TGIF2: variants seen among roughly 807,000 people sequenced by gnomAD.
TGIF2 encodes TGFB induced factor homeobox 2.
Under a neutral mutation model 15.1 loss-of-function variants are expected in TGIF2, and 5 were observed. The observed-to-expected ratio is 0.33, with a 90% confidence interval of 0.17 to 0.70. The LOEUF (loss-of-function observed/expected upper bound fraction) is 0.70, where lower values mean the gene tolerates loss of function less well. TGIF2 is among the 30% of genes least tolerant of loss of function. TGIF2 has a pLI of 0.67. For synonymous variants in TGIF2, 131 were observed against 128.9 expected (o/e 1.02, Z -0.11); for missense variants, 264 against 302.5 (o/e 0.87, Z 0.94).
At chr20:36,574,233 T>A (rs1451878743) in intron 1 of TGIF2, among the ~76,000 whole-genome samples, 2 of 151,618 alleles carry the variant, frequency 1.3e-5, no homozygotes, top group East Asian at 2.0e-4. Context: ...AGTTCCCCTT[T>A]CCTTTGGAAC....
chr20:36,587,136 G>T (rs1251635492), intron 2 of TGIF2, among the ~76,000 whole-genome samples: 1 of 152,232 alleles, frequency 6.6e-6, no homozygotes, highest in East Asian at 1.9e-4. Context: ...AGGCTGGGCA[G>T]CTGGAAGGGC....
chr20:36,575,545 G>C (rs984513371), intron 1 of TGIF2, among the ~76,000 whole-genome samples: 5 of 152,210 alleles, frequency 3.3e-5, no homozygotes, highest in African/African-American at 1.2e-4. Context: ...GCAGCCTGCA[G>C]TGGTGCTCTC....
intron 1 of TGIF2, among the ~76,000 whole-genome samples, chr20:36,574,068 G>A (rs904761249): frequency 6.6e-6 from 1 of 151,606 alleles, no homozygotes; most frequent in Admixed American, 6.6e-5. Context: ...TGAGCGCGCG[G>A]GGGGACGGAT....
upstream of TGIF2, chr20:36,573,492 G>T (rs999822172): frequency 7.3e-5 from 11 of 151,602 alleles, no homozygotes; most frequent in Non-Finnish European, 1.2e-4. Flanking sequence ...CGCCCCGCGG[G>T]GGGTGGGCGC....
intron 2 of TGIF2, among the ~76,000 whole-genome samples, chr20:36,585,642 A>G (rs2038642636): frequency 6.6e-6 from 1 of 152,136 alleles, no homozygotes; most frequent in Non-Finnish European, 1.5e-5. Flanking sequence ...TTCATTAGCA[A>G]GTCAATGACT....
intron 1 of TGIF2, 67 bp from the exon 2 acceptor site, chr20:36,578,674 T>C: frequency 2.7e-6 from 4 of 1,477,840 alleles, no homozygotes; most frequent in African/African-American, 1.4e-5. Flanking sequence ...ATGCTGAGCA[T>C]GTTTGGAGAC....
In TGIF2 at chr20:36,592,074, ATT is replaced by A. The variant is rs2038777706; in HGVS notation, c.*647_*648del. 6.6e-6 allele frequency: 1 copy of A among 151,390 alleles called. No homozygotes were observed. The allele number at this position is 151,390 out of a possible 1,614,324, so 9.4% of individuals were successfully genotyped here. A position where few individuals can be genotyped will look rare whatever the true frequency, so the allele number is the denominator to read the frequency against. On this transcript the variant is annotated 3_prime_UTR_variant, in exon 3 of 3. Coordinates refer to ENST00000373872, the MANE Select transcript of TGIF2 (RefSeq NM_021809.7). ...GAGGATTGTTTTGGAAGAAAGGAATATTTTTATCTTGGGGACCAGCTAAGTCT... is the reference window on the plus strand; with the variant it reads ...GAGGATTGTTTTGGAAGAAAGGAATATTTATCTTGGGGACCAGCTAAGTCT...
At chr20:36,578,398 G>C (rs1013506239) in intron 1 of TGIF2, among the ~76,000 whole-genome samples, 4 of 150,530 alleles carry the variant, frequency 2.7e-5, no homozygotes, top group Admixed American at 2.7e-4. Context: ...GGGCTACAGA[G>C]TGAGAGCCTC....
rs1253489825 is a variant in TGIF2 at position 36,593,900 on chromosome 20, C to T, written c.*2469C>T. The T allele has an allele frequency of 6.7e-6, 1 of 148,912 alleles. No individual in the cohort carries two copies. Among genetic ancestry groups the T allele is most frequent in the East Asian group, 1.9e-4 (1 of 5,198 alleles). The allele number at this position is 148,912 out of a possible 1,614,324, so 9.2% of individuals were successfully genotyped here. ...TTTGAGCAAAAACTACTGTAAATAA[C>T]TTTTTTGTCTTTTGTCAAATAAAAT... On this transcript the variant is annotated 3_prime_UTR_variant, in exon 3 of 3. Coordinates refer to ENST00000373872, the MANE Select transcript of TGIF2 (RefSeq NM_021809.7).
rs188792387 is a variant in TGIF2, at chr20:36,583,848, G to A, written c.192+4882G>A. ...GGAAACGGAAGTTGGAATGAGCCGA[G>A]ACTGAGCCACCGCACTCCAGCCGGG... On this transcript the variant is annotated intron_variant, in intron 2 of 2. Coordinates refer to ENST00000373872, the MANE Select transcript of TGIF2 (RefSeq NM_021809.7). 4.6e-5 allele frequency among the ~76,000 whole-genome samples: 7 copies of A among 152,224 alleles called. No homozygotes were observed. The East Asian group carries it at 1.2e-3, about 25-fold the overall frequency.
chr20:36,586,128 A>G (rs2038653501), intron 2 of TGIF2, among the ~76,000 whole-genome samples: 1 of 152,174 alleles, frequency 6.6e-6, no homozygotes, highest in Admixed American at 6.5e-5. Context: ...CTCCAAAGCT[A>G]GCTGCCCTCT....
upstream of TGIF2, chr20:36,573,477 C>G (rs1452663676): frequency 6.8e-6 from 1 of 147,576 alleles, no homozygotes; most frequent in Non-Finnish European, 1.5e-5. Flanking sequence ...TCGGCGCCGA[C>G]GGCCCGCCCC....
chr20:36,577,255 A>C (rs889284640), intron 1 of TGIF2, among the ~76,000 whole-genome samples: 1 of 151,796 alleles, frequency 6.6e-6, no homozygotes, highest in Non-Finnish European at 1.5e-5. Context: ...GCTGGAGTGC[A>C]ATGCCATGAT....
chr20:36,590,854 C>A, intron 2 of TGIF2, 56 bp from the exon 3 acceptor site: 1 of 1,489,816 alleles, frequency 6.7e-7, no homozygotes, highest in South Asian at 1.5e-5. Context: ...CCACTGTGCC[C>A]AGCCCATAGC....
chr20:36,575,864 G>A (rs1363484516), intron 1 of TGIF2, among the ~76,000 whole-genome samples: 1 of 151,996 alleles, frequency 6.6e-6, no homozygotes, highest in Non-Finnish European at 1.5e-5. Flanking sequence ...AGGCCGAGGC[G>A]GGCAGATCAC....
chr20:36,573,830 G>A (rs1019212338), intron 1 of TGIF2, 85 bp downstream of exon 1: 1 of 151,506 alleles, frequency 6.6e-6, no homozygotes, highest in East Asian at 2.0e-4. Context: ...GCCGGACGGG[G>A]AGGGGGCGTC....
At chr20:36,588,105 A>G (rs1475160333) in intron 2 of TGIF2, among the ~76,000 whole-genome samples, 3 of 149,980 alleles carry the variant, frequency 2.0e-5, no homozygotes, top group Non-Finnish European at 4.4e-5. Context: ...AAAGCAGTGG[A>G]GGCCCTAAAG....
chr20:36,591,625 T>G lies in TGIF2; in HGVS notation c.*194T>G. On this transcript the variant is annotated 3_prime_UTR_variant, in exon 3 of 3. Transcript: ENST00000373872. This position sits in a 1 kb window ranked among gnomAD's most constrained non-coding sequence, Gnocchi z 5.3. The stretch of plus-strand genomic sequence containing the variant: ...TGGGGGCCCTCTCCTCTGCTGACTC[T>G]GCCGTTTCTCCAGGCCTCCGCTCAG... 2 of 579,534 alleles carry G rather than the reference T, an allele frequency of 3.5e-6. No individual in the cohort carries two copies. The highest frequency in any genetic ancestry group is 3.0e-6 in the Non-Finnish European group (1 of 338,540). The allele number at this position is 579,534 out of a possible 1,614,324, so 35.9% of individuals were successfully genotyped here.
At chr20:36,586,032 A>G (rs749326104) in intron 2 of TGIF2, among the ~76,000 whole-genome samples, 2 of 152,204 alleles carry the variant, frequency 1.3e-5, no homozygotes, top group African/African-American at 2.4e-5. Flanking sequence ...AACCTGGTGC[A>G]GAGGCTGTAG....
Sources: gnomAD v4.1 joint callset for allele counts (sites outside exome capture counted in the v4.1 genomes callset) on GRCh38, gnomAD v4.1.1 for gene constraint, Gnocchi (gnomAD v3.1) non-coding constraint, MANE v1.5 for transcripts, NCBI Gene and HGNC (gene_info 2026-07-23, HGNC 2026-07-21) for gene names.